ADGRB1: variants seen among roughly 807,000 people sequenced by gnomAD.
ADGRB1 encodes adhesion G protein-coupled receptor B1.
In ADGRB1, 36 loss-of-function variants were observed where a neutral mutation model predicts 175.7. The observed-to-expected ratio is 0.20, with a 90% CI of 0.16 to 0.27. The LOEUF (loss-of-function observed/expected upper bound fraction) is 0.27, where lower values mean the gene tolerates loss of function less well. ADGRB1 is among the 10% of genes least tolerant of loss of function. ADGRB1 has a pLI of 1.00. For missense variants in ADGRB1, 1,731 were observed against 2,255.3 expected (o/e 0.77, Z 4.71); for synonymous variants, 1,054 against 979.4 (o/e 1.08, Z -1.42).
At chr8:142,507,399 G>A (rs1017254997) in intron 17 of ADGRB1, among the ~76,000 whole-genome samples, 9 of 152,194 alleles carry the variant, frequency 5.9e-5, no homozygotes, top group South Asian at 4.1e-4. Flanking sequence ...CAGAATGGCC[G>A]GGAGCTTCCT....
At chr8:142,499,124 C>T (rs998085554) in intron 17 of ADGRB1, among the ~76,000 whole-genome samples, 1 of 152,248 alleles carries the variant, frequency 6.6e-6, no homozygotes, top group African/African-American at 2.4e-5. Flanking sequence ...TCCAGGCAGG[C>T]CCCTCACTGG....
chr8:142,489,100 G>T lies in ADGRB1; in HGVS notation c.2518G>T (p.Ala840Ser). The T allele has an allele frequency of 6.2e-7, 1 of 1,607,136 alleles. No homozygotes were observed. Reference protein sequence around the residue: ...VLYRNLGSFLALQRNTTVLNS... With the variant: ...VLYRNLGSFLSLQRNTTVLNS... Reference sequence around the variant, plus strand: ...CTACAGGAACCTGGGCAGCTTCCTGGCCCTGCAGAGGTGGGGAGCCCTGGG... The same window carrying T: ...CTACAGGAACCTGGGCAGCTTCCTGTCCCTGCAGAGGTGGGGAGCCCTGGG... The change falls in exon 15 of 31, where the codon GCC becomes TCC. Residue 840 changes from alanine to serine, a missense_variant. Ala to Ser is a moderately conservative substitution (Grantham distance 99, BLOSUM62 1). Transcript: ENST00000517894.
In ADGRB1 at chr8:142,464,878, C is replaced by T; in HGVS notation, c.680C>T (p.Pro227Leu). 1 of 1,523,328 alleles carries T rather than the reference C, an allele frequency of 6.6e-7. No homozygotes were observed. The highest frequency in any genetic ancestry group is 8.8e-7 in the Non-Finnish European group (1 of 1,140,942). 94.4% of individuals were successfully genotyped at this position (1,523,328 alleles called of 1,614,324 possible). A position where few individuals can be genotyped will look rare whatever the true frequency, so the allele number is the denominator to read the frequency against. ...GGEAGGPAAG[P>L]LAPRGDVCLR... is the part of the protein sequence containing the mutation. ...GAGGCGGGCGGCCCTGCCGCGGGAC[C>T]CCTGGCCCCCCGCGGGGATGTCTGC... Residue 227 changes from proline (P) to leucine (L), a missense_variant, in exon 2 of 31, where the codon CCC becomes CTC. Physicochemically the swap from Pro to Leu is moderately conservative, Grantham distance 98 (BLOSUM62 -3). Coordinates refer to ENST00000517894, the MANE Select transcript of ADGRB1 (RefSeq NM_001702.3).
chr8:142,450,008 G>C lies in ADGRB1; in HGVS notation c.-316G>C, dbSNP rs1839240617. The C allele has an allele frequency of 6.7e-6, 1 of 150,058 alleles. No homozygotes were observed. Among genetic ancestry groups the C allele is most frequent in the Non-Finnish European group, 1.5e-5 (1 of 66,938 alleles). 9.3% of individuals were successfully genotyped at this position (150,058 alleles called of 1,614,324 possible). On this transcript the variant is annotated 5_prime_UTR_variant, in exon 1 of 31. Coordinates refer to ENST00000517894, the MANE Select transcript of ADGRB1 (RefSeq NM_001702.3). ...GAGGAGCCCCCCCCACCTCCGGTCG[G>C]GCGCCCGGCTCAGCCGCCGGCGACG...
intron 3 of ADGRB1, 97 bp from the exon 4 acceptor site, chr8:142,476,488 G>C: frequency 9.0e-7 from 1 of 1,115,088 alleles, no homozygotes; most frequent in Non-Finnish European, 1.3e-6. Flanking sequence ...AGTGGAGCCA[G>C]GTGGCCCAGT....
chr8:142,519,964 GGTA>G (rs1407668173), intron 19 of ADGRB1, among the ~76,000 whole-genome samples: 1 of 122,772 alleles, frequency 8.1e-6, no homozygotes, highest in South Asian at 2.9e-4. Context: ...TGGTGGTGGT[GGTA>G]GTGGTTGTGA....
intron 2 of ADGRB1, among the ~76,000 whole-genome samples, chr8:142,470,162 GC>G (rs1563685880): frequency 6.6e-6 from 1 of 151,860 alleles, no homozygotes; most frequent in Non-Finnish European, 1.5e-5. Flanking sequence ...GCTGCCCCAC[GC>G]CCCACCGCCC....
intron 19 of ADGRB1, among the ~76,000 whole-genome samples, chr8:142,519,071 G>A (rs983499764): frequency 6.6e-6 from 1 of 152,164 alleles, no homozygotes; most frequent in African/African-American, 2.4e-5. Flanking sequence ...GCTCTCCACT[G>A]TCCTGCCTGA....
In ADGRB1 at chr8:142,522,164, C is replaced by G. The variant is rs369757378; in HGVS notation, c.3175+49C>G. The G allele has an allele frequency of 1.5e-5, 23 of 1,584,384 alleles. No individual in the cohort carries two copies. In the African/African-American group the frequency reaches 2.4e-4, roughly 17 times the overall value. On this transcript the variant is annotated intron_variant, in intron 21 of 30. Transcript: ENST00000517894. ...TCCTGGACAGATACCCTTCCTCCCCCACTGCTTGTTCTGTCCTGGCAGCCC... is the reference window on the plus strand; with the variant it reads ...TCCTGGACAGATACCCTTCCTCCCCGACTGCTTGTTCTGTCCTGGCAGCCC...
chr8:142,522,064 G>A lies in ADGRB1; in HGVS notation c.3124G>A (p.Gly1042Ser), dbSNP rs781340788. The change falls in exon 21 of 31, where the codon GGC becomes AGC. Residue 1042 changes from glycine (G) to serine (S), a missense_variant. Coordinates refer to ENST00000517894, the MANE Select transcript of ADGRB1 (RefSeq NM_001702.3). ...EAWQSYMAVT[G>S]HLRNRLIRKR... ...CTGGCAGTCCTACATGGCGGTGACG[G>A]GCCACCTCCGGAACCGCCTCATCCG... is the stretch of plus-strand genomic sequence containing the variant. 1.2e-5 allele frequency: 19 copies of A among 1,612,434 alleles called. No individual in the cohort carries two copies. Among genetic ancestry groups the A allele is most frequent in the Non-Finnish European group, 1.6e-5 (19 of 1,179,656 alleles).
At position 142,504,091 on chromosome 8, in the gene ADGRB1, C is replaced by G. The variant is rs904592841; in HGVS notation, c.2676-6841C>G. ...CCAGGTCAGGCAGGTGTTCAAATGC[C>G]AAGGTCGATGGGTCACAGCGACCAG... On this transcript the variant is annotated intron_variant, in intron 17 of 30. Transcript: ENST00000517894. The surrounding 1 kb of genome is among the most constrained non-coding windows in gnomAD (Gnocchi z 5.6). 1.5e-4 allele frequency among the ~76,000 whole-genome samples: 23 copies of G among 152,206 alleles called. No individual in the cohort carries two copies. Among genetic ancestry groups the G allele is most frequent in the Non-Finnish European group, 1.9e-4 (13 of 68,032 alleles).
At position 142,510,959 on chromosome 8, in the gene ADGRB1, C is replaced by T; in HGVS notation, c.2703C>T (p.Leu901=). 12 of 1,298,466 alleles carry T rather than the reference C, an allele frequency of 9.2e-6. No individual in the cohort carries two copies. The highest frequency in any genetic ancestry group is 1.2e-5 in the Non-Finnish European group (12 of 1,005,944). 80.4% of individuals were successfully genotyped at this position (1,298,466 alleles called of 1,614,324 possible). A position where few individuals can be genotyped will look rare whatever the true frequency, so the allele number is the denominator to read the frequency against. ...DVPSSSAPPQ[L]GPWSWRGCRT... ...CCTCCTCCTCCGCCCCCCCGCAGCTCGGGCCCTGGTCGTGGCGCGGCTGCC... is the reference window on the plus strand; with the variant it reads ...CCTCCTCCTCCGCCCCCCCGCAGCTTGGGCCCTGGTCGTGGCGCGGCTGCC... The change falls in exon 18 of 31, where the codon CTC becomes CTT. Residue 901 remains leucine, a synonymous_variant. Coordinates refer to ENST00000517894, the MANE Select transcript of ADGRB1 (RefSeq NM_001702.3). The surrounding 1 kb of genome is among the most constrained non-coding windows in gnomAD (Gnocchi z 6.3).
chr8:142,483,936 C>G, intron 11 of ADGRB1, 41 bp from the exon 12 acceptor site: 1 of 1,605,048 alleles, frequency 6.2e-7, no homozygotes. Context: ...TGATTTTGTG[C>G]CCTGTTCTCT....
intron 1 of ADGRB1, among the ~76,000 whole-genome samples, chr8:142,452,059 C>T (rs890601521): frequency 3.3e-5 from 5 of 152,330 alleles, no homozygotes; most frequent in African/African-American, 9.6e-5. Flanking sequence ...GAGTCAGTCC[C>T]GCTCGCCTGC....
chr8:142,508,593 G>A (rs866065762), intron 17 of ADGRB1, among the ~76,000 whole-genome samples: 2 of 152,184 alleles, frequency 1.3e-5, no homozygotes, highest in East Asian at 1.9e-4. Flanking sequence ...ATGACTTTTC[G>A]GCCATCCTGT....
In ADGRB1 at chr8:142,464,735, C is replaced by T; in HGVS notation, c.537C>T (p.Arg179=). 6.5e-7 allele frequency: 1 copy of T among 1,534,160 alleles called. No homozygotes were observed. The change falls in exon 2 of 31, where the codon CGC becomes CGT. Residue 179 remains arginine (R), a synonymous_variant. Transcript: ENST00000517894. ...FSVEYLVVGN[R]NPSRAACQML... is the part of the protein sequence containing the mutation. ...TGGAGTACCTGGTGGTGGGGAACCG[C>T]AACCCCAGCCGTGCCGCCTGCCAGA...
chr8:142,542,682 G>A lies in ADGRB1; in HGVS notation c.4413+35G>A, dbSNP rs375131367. The A allele has an allele frequency of 6.6e-7, 1 of 1,506,212 alleles. No individual in the cohort carries two copies. The highest frequency in any genetic ancestry group is 8.9e-7 in the Non-Finnish European group (1 of 1,121,430). The allele number at this position is 1,506,212 out of a possible 1,614,324, so 93.3% of individuals were successfully genotyped here. A position where few individuals can be genotyped will look rare whatever the true frequency, so the allele number is the denominator to read the frequency against. Reference sequence around the variant, plus strand: ...GCAGGGGTGGGCCACACCCCAGCCAGCGAGGGCAGGGCTGCAGCAGCTGGG... The same window carrying A: ...GCAGGGGTGGGCCACACCCCAGCCAACGAGGGCAGGGCTGCAGCAGCTGGG... On this transcript the variant is annotated intron_variant, in intron 28 of 30. Transcript: ENST00000517894. This position sits in a 1 kb window ranked among gnomAD's most constrained non-coding sequence, Gnocchi z 6.3.
chr8:142,469,735 G>A (rs755193047), intron 2 of ADGRB1, among the ~76,000 whole-genome samples: 45 of 152,060 alleles, frequency 3.0e-4, no homozygotes, highest in Non-Finnish European at 6.0e-4. Context: ...ACATGCATGT[G>A]TGTGAATGTG....
At chr8:142,483,905 G>A (rs1191443118) in intron 11 of ADGRB1, 72 bp from the exon 12 acceptor site, 1 of 1,533,694 alleles carries the variant, frequency 6.5e-7, no homozygotes, top group Non-Finnish European at 9.0e-7. Flanking sequence ...ACTGAATCCT[G>A]ACCCTGGTCA....
Sources: gnomAD v4.1 joint callset for allele counts (sites outside exome capture counted in the v4.1 genomes callset) on GRCh38, gnomAD v4.1.1 for gene constraint, Gnocchi (gnomAD v3.1) non-coding constraint, MANE v1.5 for transcripts, NCBI Gene and HGNC (gene_info 2026-07-23, HGNC 2026-07-21) for gene names.